The following RGS12 variants were observed in gnomAD, a reference collection of about 807,000 sequenced individuals.
The protein encoded by RGS12 is regulator of G-protein signaling 12.
A neutral mutation model predicts 120.1 loss-of-function variants in RGS12; 66 were observed. The ratio of observed to expected loss-of-function variants is 0.55; its 90% CI spans 0.45 to 0.67. The LOEUF is 0.67. Among genes scored for constraint, RGS12 ranks in the 30% least tolerant of loss-of-function variants. RGS12 has a pLI of 0.00. For missense variants in RGS12, 1,859 were observed against 1,957.7 expected (o/e 0.95, Z 0.95); for synonymous variants, 827 against 804.7 (o/e 1.03, Z -0.47).
chr4:3,415,906 C>G, intron 6 of RGS12, 72 bp from the exon 7 acceptor site: 2 of 1,504,710 alleles, frequency 1.3e-6, no homozygotes, highest in South Asian at 2.5e-5. Context: ...CCGGGGGTGT[C>G]GGGCCTTGGC....
At chr4:3,314,867 GC>G (rs1405639663) in intron 1 of RGS12, 2 of 152,252 alleles carry the variant, frequency 1.3e-5, no homozygotes, top group South Asian at 2.1e-4. Context: ...TGCAAGGCTG[GC>G]CCCCCGCTGG....
Position 3,416,046 on chromosome 4 carries a change from C to G in RGS12, c.2352C>G (p.Ile784Met). The part of the protein sequence containing the change: ...LCSKATTPVN[I>M]DSQAQLADDV... ...GCAAAGCCACCACCCCGGTCAACAT[C>G]GACAGCCAGGCCCAGCTAGCAGACG... The change falls in exon 7 of 18, where the codon ATC (isoleucine) becomes ATG (methionine). Residue 784 changes from isoleucine to methionine, a missense_variant. Physicochemically the swap from Ile to Met is conservative, Grantham distance 10 (BLOSUM62 1). Coordinates refer to ENST00000336727, the MANE Select transcript of RGS12 (RefSeq NM_001394154.1). The G allele has an allele frequency of 1.2e-6, 2 of 1,614,020 alleles. No homozygotes were observed. Among genetic ancestry groups the G allele is most frequent in the Non-Finnish European group, 1.7e-6 (2 of 1,179,986 alleles).
chr4:3,355,306 G>A (rs190276523), intron 3 of RGS12, among the ~76,000 whole-genome samples: 1 of 152,296 alleles, frequency 6.6e-6, no homozygotes, highest in African/African-American at 2.4e-5. Flanking sequence ...TCTAAACACT[G>A]TGTGGCATCA....
chr4:3,397,323 C>G (rs145058792), intron 4 of RGS12, among the ~76,000 whole-genome samples: 1 of 152,222 alleles, frequency 6.6e-6, no homozygotes, highest in Non-Finnish European at 1.5e-5. Flanking sequence ...TGTGCAAGTG[C>G]GTGGCCGGGC....
intron 13 of RGS12, chr4:3,423,884 T>G (rs939288163): frequency 4.3e-6 from 2 of 468,340 alleles, no homozygotes; most frequent in Admixed American, 7.1e-5. Flanking sequence ...GAGAGGTGGT[T>G]TTGCTCCAGG....
At chr4:3,431,464 C>G in intron 17 of RGS12, 5 of 988,714 alleles carry the variant, frequency 5.1e-6, no homozygotes, top group Non-Finnish European at 4.8e-6. Context: ...GACCCACCGG[C>G]GGCCCCCGTA....
At chr4:3,333,815 T>A (rs1712150478) in intron 2 of RGS12, among the ~76,000 whole-genome samples, 1 of 152,254 alleles carries the variant, frequency 6.6e-6, no homozygotes, top group South Asian at 2.1e-4. Flanking sequence ...ACAACCAGTT[T>A]ACAAATTCCC....
intron 3 of RGS12, among the ~76,000 whole-genome samples, chr4:3,367,081 G>C (rs538703348): frequency 3.3e-5 from 5 of 152,172 alleles, no homozygotes; most frequent in African/African-American, 9.7e-5. Context: ...CTCACCCTGG[G>C]TTTCCAGCTC....
chr4:3,378,940 T>C (rs1430356781), intron 3 of RGS12, among the ~76,000 whole-genome samples: 1 of 152,120 alleles, frequency 6.6e-6, no homozygotes, highest in African/African-American at 2.4e-5. Context: ...TGTGCTCCCA[T>C]GTTCATGGAA....
At chr4:3,367,652 G>T (rs1472832870) in intron 3 of RGS12, among the ~76,000 whole-genome samples, 4 of 152,242 alleles carry the variant, frequency 2.6e-5, no homozygotes, top group African/African-American at 9.6e-5. Flanking sequence ...GGCACTTGCT[G>T]CTGGGGCCCT....
chr4:3,340,406 C>T (rs1417345251), intron 2 of RGS12, among the ~76,000 whole-genome samples: 2 of 152,178 alleles, frequency 1.3e-5, no homozygotes, highest in Non-Finnish European at 2.9e-5. Context: ...TTAACTTAGA[C>T]GGGGGCTTAA....
At chr4:3,430,367 ACT>A (rs766835326) in intron 16 of RGS12, 38 bp from the exon 17 acceptor site, 4 of 1,551,560 alleles carry the variant, frequency 2.6e-6, no homozygotes, top group Middle Eastern at 1.7e-4. Context: ...TTAATGTGAA[ACT>A]CTCTAAAACA....
chr4:3,422,402 C>G lies in RGS12; in HGVS notation c.2865C>G (p.Pro955=). The change falls in exon 11 of 18, where the codon CCC becomes CCG. Residue 955 remains proline, a synonymous_variant. Coordinates refer to ENST00000336727, the MANE Select transcript of RGS12 (RefSeq NM_001394154.1). The stretch of plus-strand genomic sequence containing the variant: ...CGGAGGCCTGCAGGACTTTGGCACC[C>G]GAGAAGGACAAGGCCACCAAGCACT... The part of the protein sequence containing the change: ...DLSEACRTLA[P]EKDKATKHCC... 6.2e-7 allele frequency: 1 copy of G among 1,612,424 alleles called. No individual in the cohort carries two copies. The highest frequency in any genetic ancestry group is 1.1e-5 in the South Asian group (1 of 90,998).
chr4:3,409,708 T>C (rs1721527989), intron 4 of RGS12, among the ~76,000 whole-genome samples: 1 of 152,246 alleles, frequency 6.6e-6, no homozygotes, highest in African/African-American at 2.4e-5. Flanking sequence ...GTCACCGTGC[T>C]TGTGTGTTGG....
intron 1 of RGS12, among the ~76,000 whole-genome samples, chr4:3,308,717 T>G (rs1456523051): frequency 3.3e-5 from 5 of 152,256 alleles, no homozygotes; most frequent in African/African-American, 1.2e-4. Context: ...TTTTTTCATC[T>G]CCCTGCTCAG....
chr4:3,391,759 G>A (rs1042683376), intron 4 of RGS12, among the ~76,000 whole-genome samples: 8 of 142,676 alleles, frequency 5.6e-5, no homozygotes, highest in South Asian at 2.1e-4. Flanking sequence ...TGCCTGGGGT[G>A]TTTGGGGGCC....
intron 2 of RGS12, among the ~76,000 whole-genome samples, chr4:3,340,774 G>GTGCAGGCCGA (rs1712990451): frequency 6.6e-6 from 1 of 151,858 alleles, no homozygotes; most frequent in Admixed American, 6.5e-5. Flanking sequence ...GTGCAGGCCG[G>GTGCAGGCCGA]TGCAGGCCAG....
At chr4:3,355,683 T>C (rs1714810827) in intron 3 of RGS12, among the ~76,000 whole-genome samples, 2 of 150,922 alleles carry the variant, frequency 1.3e-5, no homozygotes, top group Admixed American at 6.6e-5. Context: ...TAGTCCCAGC[T>C]GCTTGTGGGG....
At chr4:3,391,105 G>A (rs1333679826) in intron 4 of RGS12, among the ~76,000 whole-genome samples, 1 of 152,242 alleles carries the variant, frequency 6.6e-6, no homozygotes, top group Non-Finnish European at 1.5e-5. Context: ...GCGCTATTGT[G>A]GGAGTGGTTG....
Sources: gnomAD v4.1 joint callset for allele counts (sites outside exome capture counted in the v4.1 genomes callset) on GRCh38, gnomAD v4.1.1 for gene constraint, MANE v1.5 for transcripts, NCBI Gene and HGNC (gene_info 2026-07-23, HGNC 2026-07-21) for gene names.